The following PCED1B variants were observed in gnomAD, a reference collection of about 807,000 sequenced individuals.
PCED1B encodes the protein PC-esterase domain containing 1B.
For missense variants in PCED1B, 573 were observed against 573.9 expected, an observed-to-expected ratio of 1.00 and a Z score of 0.02; for synonymous variants, 251 against 246.1, an observed-to-expected ratio of 1.02 and a Z score of -0.19.
intron 2 of PCED1B, among the ~76,000 whole-genome samples, chr12:47,134,435 A>C (rs1485737919): frequency 6.6e-6 from 1 of 152,210 alleles, no homozygotes; most frequent in Non-Finnish European, 1.5e-5. Flanking sequence ...TAAAACAAAC[A>C]AACACAAAAT....
At chr12:47,134,010 G>A (rs1940241137) in intron 2 of PCED1B, among the ~76,000 whole-genome samples, 1 of 152,100 alleles carries the variant, frequency 6.6e-6, no homozygotes, top group Admixed American at 6.5e-5. Flanking sequence ...TCTGATTTTG[G>A]GCTTCCGGAA....
chr12:47,235,250 G>C lies in PCED1B; in HGVS notation c.187G>C (p.Asp63His), dbSNP rs773893395. 4 of 1,613,514 alleles carry C rather than the reference G, an allele frequency of 2.5e-6. No homozygotes were observed. In the Admixed American group the frequency reaches 6.7e-5, roughly 27 times the overall value. ...ELNFEQDELV[D>H]GGQRGHMHNG... is the part of the protein sequence containing the mutation. ...GAACTTCGAACAAGATGAGCTGGTG[G>C]ACGGAGGCCAGCGGGGCCACATGCA... The change falls in exon 4 of 4, where the codon GAC becomes CAC. Residue 63 changes from aspartate to histidine, a missense_variant. Transcript: ENST00000546455.
intron 1 of PCED1B, among the ~76,000 whole-genome samples, chr12:47,081,587 G>T (rs1007230133): frequency 1.3e-5 from 2 of 152,186 alleles, no homozygotes; most frequent in Non-Finnish European, 2.9e-5. Context: ...ACTTAAAGGG[G>T]AGAGGCAGAA....
intron 2 of PCED1B, among the ~76,000 whole-genome samples, chr12:47,113,966 AC>A (rs113841952): frequency 0.53 from 58,214 of 110,602 alleles, 11,739 homozygotes; most frequent in African/African-American, 0.56. Flanking sequence ...GAAAAAAAAA[AC>A]ACACACACAC....
intron 2 of PCED1B, among the ~76,000 whole-genome samples, chr12:47,125,428 C>T (rs750602536): frequency 2.0e-5 from 3 of 151,930 alleles, no homozygotes; most frequent in Non-Finnish European, 2.9e-5. Context: ...CTTTTTAATA[C>T]GTCTTAATAT....
intron 2 of PCED1B, among the ~76,000 whole-genome samples, chr12:47,202,714 G>A (rs745818908): frequency 2.8e-4 from 42 of 150,800 alleles, no homozygotes; most frequent in Admixed American, 4.0e-4. Flanking sequence ...TCAGGATACA[G>A]CTCATAAAAA....
At chr12:47,152,775 A>G (rs961831401) in intron 2 of PCED1B, among the ~76,000 whole-genome samples, 1 of 152,090 alleles carries the variant, frequency 6.6e-6, no homozygotes, top group Non-Finnish European at 1.5e-5. Flanking sequence ...TACTAAAAAT[A>G]CAAAAAAACA....
intron 1 of PCED1B, among the ~76,000 whole-genome samples, chr12:47,080,606 C>T (rs1937650600): frequency 6.6e-6 from 1 of 152,178 alleles, no homozygotes; most frequent in Non-Finnish European, 1.5e-5. Flanking sequence ...TGGGAAAGTT[C>T]TATCCCTTTC....
chr12:47,180,451 C>T (rs149296926), intron 2 of PCED1B, among the ~76,000 whole-genome samples: 1 of 152,196 alleles, frequency 6.6e-6, no homozygotes, highest in Non-Finnish European at 1.5e-5. Context: ...TCCTTCCTTA[C>T]ACCTTATACA....
rs113877940 is a variant in PCED1B at position 47,202,135 on chromosome 12, G to C, written c.-525-14087G>C. Reference sequence around the variant, plus strand: ...TAGAGGATACTTATGAAGCATTCAGGCTTCGAGAACCTGATTCTAATGTGC... The same window carrying C: ...TAGAGGATACTTATGAAGCATTCAGCCTTCGAGAACCTGATTCTAATGTGC... On this transcript the variant is annotated intron_variant, in intron 2 of 3. Coordinates refer to ENST00000546455, the MANE Select transcript of PCED1B (RefSeq NM_138371.3). 3.9e-4 allele frequency among the ~76,000 whole-genome samples: 60 copies of C among 152,236 alleles called. 1 individual carries two copies. The highest frequency in any genetic ancestry group is 1.3e-3 in the African/African-American group (55 of 41,546).
intron 2 of PCED1B, among the ~76,000 whole-genome samples, chr12:47,167,082 T>C (rs1941567791): frequency 1.3e-5 from 2 of 152,196 alleles, no homozygotes; most frequent in Admixed American, 1.3e-4. Context: ...TGTTTAGTGC[T>C]TTCTCCATTG....
chr12:47,224,210 G>C (rs1490805161), intron 3 of PCED1B, among the ~76,000 whole-genome samples: 1 of 152,132 alleles, frequency 6.6e-6, no homozygotes, highest in Admixed American at 6.5e-5. Context: ...ATTTACAAAA[G>C]GCTGTAAAAC....
intron 2 of PCED1B, among the ~76,000 whole-genome samples, chr12:47,134,800 A>G (rs1440205115): frequency 6.6e-6 from 1 of 152,322 alleles, no homozygotes; most frequent in East Asian, 1.9e-4. Context: ...CCCCAGAGGC[A>G]GAGCTTGCAG....
At chr12:47,095,647 T>A (rs2137194161) in intron 1 of PCED1B, among the ~76,000 whole-genome samples, 1 of 152,340 alleles carries the variant, frequency 6.6e-6, no homozygotes, top group South Asian at 2.1e-4. Context: ...TCCAGCTCAC[T>A]GATCCAGCCC....
chr12:47,146,998 C>CTTTTTTTTTTT lies in PCED1B; in HGVS notation c.-526+42813_-526+42823dup, dbSNP rs59400736. Among the ~76,000 whole-genome samples, 40 of 98,990 alleles carry CTTTTTTTTTTT rather than the reference C, an allele frequency of 4.0e-4. 1 individual carries two copies. The highest frequency in any genetic ancestry group is 7.9e-4 in the Admixed American group (6 of 7,632). 64.9% of individuals were successfully genotyped at this position (98,990 alleles called of 152,430 possible). ...TCTTTAGATATCCTAGTTCATTGCT[C>CTTTTTTTTTTT]TTTTTTTTTTTTTTTTTTTTGAGAT... On this transcript the variant is annotated intron_variant, in intron 2 of 3. Coordinates refer to ENST00000546455, the MANE Select transcript of PCED1B (RefSeq NM_138371.3).
chr12:47,213,982 A>G (rs1463764491), intron 2 of PCED1B, among the ~76,000 whole-genome samples: 5 of 152,230 alleles, frequency 3.3e-5, no homozygotes, highest in Non-Finnish European at 5.9e-5. Context: ...CTCACAGTGC[A>G]CAGACTAGCT....
chr12:47,156,724 A>G (rs902657427), intron 2 of PCED1B, among the ~76,000 whole-genome samples: 1 of 152,086 alleles, frequency 6.6e-6, no homozygotes, highest in Non-Finnish European at 1.5e-5. Context: ...GAGTGCTCCG[A>G]TAACACTCTG....
At chr12:47,222,948 G>A (rs1943529025) in intron 3 of PCED1B, among the ~76,000 whole-genome samples, 1 of 152,148 alleles carries the variant, frequency 6.6e-6, no homozygotes, top group South Asian at 2.1e-4. Flanking sequence ...GGGGAAACAG[G>A]CAGAAACCAG....
At chr12:47,156,387 G>C (rs1157335931) in intron 2 of PCED1B, among the ~76,000 whole-genome samples, 1 of 152,172 alleles carries the variant, frequency 6.6e-6, no homozygotes, top group East Asian at 1.9e-4. Context: ...CTGCAAAGCT[G>C]ATAGAAAGAT....
Sources: allele counts gnomAD v4.1 joint callset (sites outside exome capture counted in the v4.1 genomes callset), GRCh38; gene constraint gnomAD v4.1.1; transcripts MANE v1.5; gene names NCBI Gene and HGNC (gene_info 2026-07-23, HGNC 2026-07-21).